The following MAGT1 variants were observed in gnomAD, a reference collection of about 807,000 sequenced individuals.
The protein encoded by MAGT1 is dolichyl-diphosphooligosaccharide--protein glycosyltransferase subunit MAGT1.
MAGT1 carries 4 observed loss-of-function variants against 28.4 expected under a neutral mutation model. That is an observed-to-expected ratio of 0.14 (90% confidence interval 0.07 to 0.32). MAGT1 has a LOEUF of 0.32. MAGT1 is among the 10% of genes least tolerant of loss of function. MAGT1 has a pLI of 1.00. For synonymous variants in MAGT1, 89 were observed against 89.7 expected, an observed-to-expected ratio of 0.99 and a Z score of 0.04; for missense variants, 193 against 264.5, an observed-to-expected ratio of 0.73 and a Z score of 1.88.
Position 77,839,795 on chromosome X carries a change from C to G in MAGT1, c.901+1451G>C, listed in dbSNP as rs1034080297. On this transcript the variant is annotated intron_variant, in intron 8 of 9. Transcript: ENST00000618282. ...GTGCTGGGATTACAGGCGTGAGCCA[C>G]CGCGTCTGGCCAAATTTTTGTACTT... Among the ~76,000 whole-genome samples, 3 of 109,543 alleles carry G rather than the reference C, an allele frequency of 2.7e-5. No homozygotes were observed. The Admixed American group carries it at 3.0e-4, about 11-fold the overall frequency.
At chrX:77,843,324 C>T (rs367721754) in intron 7 of MAGT1, among the ~76,000 whole-genome samples, 21 of 111,737 alleles carry the variant, frequency 1.9e-4, no homozygotes, top group African/African-American at 6.8e-4. Flanking sequence ...GCAACCTCCA[C>T]CTCCCAGGCT....
intron 8 of MAGT1, among the ~76,000 whole-genome samples, chrX:77,835,785 C>T (rs1469179271): frequency 9.0e-6 from 1 of 110,895 alleles, no homozygotes; most frequent in Non-Finnish European, 1.9e-5. Flanking sequence ...CTGTCACTTG[C>T]AACAACATGG....
At chrX:77,889,031 A>C (rs1388894664) in intron 1 of MAGT1, among the ~76,000 whole-genome samples, 2 of 108,549 alleles carry the variant, frequency 1.8e-5, no homozygotes, top group Non-Finnish European at 3.8e-5. Context: ...GCTGGAGTGC[A>C]ATGGTACATC....
intron 2 of MAGT1, 70 bp downstream of exon 2, chrX:77,875,358 C>T: frequency 9.3e-7 from 1 of 1,077,619 alleles, no homozygotes; most frequent in South Asian, 1.9e-5. Flanking sequence ...CTAACTTGGC[C>T]CTTCTGGGAT....
intron 1 of MAGT1, among the ~76,000 whole-genome samples, chrX:77,892,437 T>C (rs1368669061): frequency 2.7e-5 from 3 of 111,561 alleles, no homozygotes; most frequent in Middle Eastern, 4.6e-3. Flanking sequence ...CCTATATAAA[T>C]TCCATGCTTA....
chrX:77,871,044 T>TA, intron 2 of MAGT1, 119 bp from the exon 3 acceptor site: 1 of 546,360 alleles, frequency 1.8e-6, no homozygotes, highest in Non-Finnish European at 3.3e-6. Context: ...GGAGAAATAA[T>TA]AAAAAACACT....
At chrX:77,861,929 T>C (rs2076995774) in intron 3 of MAGT1, among the ~76,000 whole-genome samples, 1 of 111,578 alleles carries the variant, frequency 9.0e-6, no homozygotes, top group Admixed American at 9.7e-5. Flanking sequence ...TTAATGGCTA[T>C]AAAGTTTCAG....
chrX:77,874,874 TG>T (rs1237206896), intron 2 of MAGT1, among the ~76,000 whole-genome samples: 1 of 108,555 alleles, frequency 9.2e-6, no homozygotes, highest in Non-Finnish European at 1.9e-5. Flanking sequence ...TTTTTTTTTT[TG>T]AGACAGTCTC....
chrX:77,884,806 C>T (rs1374522073), intron 1 of MAGT1, among the ~76,000 whole-genome samples: 2 of 108,674 alleles, frequency 1.8e-5, no homozygotes, highest in Non-Finnish European at 3.8e-5. Context: ...AAAAAAAGGC[C>T]GGGCGCAGTG....
chrX:77,831,174 C>T (rs1045881226), intron 8 of MAGT1, among the ~76,000 whole-genome samples: 1 of 110,115 alleles, frequency 9.1e-6, no homozygotes, highest in Admixed American at 9.8e-5. Flanking sequence ...CCCGCCACTG[C>T]GCCCAGCTAA....
chrX:77,848,315 T>C (rs906928300), intron 7 of MAGT1, among the ~76,000 whole-genome samples: 52 of 111,801 alleles, frequency 4.7e-4, no homozygotes, highest in East Asian at 2.0e-3. Context: ...TGAGCAGAAA[T>C]AGAGGAGACA....
intron 1 of MAGT1, among the ~76,000 whole-genome samples, chrX:77,876,132 T>TTATATATATATATATA (rs1222026237): frequency 2.3e-4 from 8 of 34,077 alleles, no homozygotes; most frequent in South Asian, 2.1e-3. Flanking sequence ...CACCTGGCCT[T>TTATATATATATATATA]TATATATATA....
At chrX:77,887,290 T>C (rs1455197985) in intron 1 of MAGT1, among the ~76,000 whole-genome samples, 2 of 111,317 alleles carry the variant, frequency 1.8e-5, no homozygotes, top group East Asian at 5.6e-4. Context: ...AGAGATGGGG[T>C]CTTGCTATGT....
At position 77,828,654 on chromosome X, in the gene MAGT1, G is replaced by A. The variant is rs1557213130; in HGVS notation, c.*566C>T. ...GGAGGAGAAACAACTGTCTTGCTGAGGGCTAGACGTGTGCTCTGAAGAATG... is the reference window on the plus strand; with the variant it reads ...GGAGGAGAAACAACTGTCTTGCTGAAGGCTAGACGTGTGCTCTGAAGAATG... On this transcript the variant is annotated 3_prime_UTR_variant, in exon 10 of 10. Coordinates refer to ENST00000618282, the MANE Select transcript of MAGT1 (RefSeq NM_001367916.1). The A allele has an allele frequency of 8.9e-6, 1 of 112,584 alleles. No homozygotes were observed. The highest frequency in any genetic ancestry group is 1.9e-5 in the Non-Finnish European group (1 of 53,903). 9.3% of individuals were successfully genotyped at this position (112,584 alleles called of 1,213,427 possible).
intron 7 of MAGT1, among the ~76,000 whole-genome samples, chrX:77,852,680 C>A (rs1173750103): frequency 9.0e-6 from 1 of 111,273 alleles, no homozygotes; most frequent in Non-Finnish European, 1.9e-5. Flanking sequence ...TTGCCTTGAC[C>A]TCCTGGGCTC....
intron 7 of MAGT1, among the ~76,000 whole-genome samples, chrX:77,852,102 C>CA (rs2076970126): frequency 9.0e-6 from 1 of 110,675 alleles, no homozygotes; most frequent in African/African-American, 3.3e-5. Context: ...GGGGTTTCAC[C>CA]ATGTTGGCCA....
chrX:77,843,526 G>A (rs944811591), intron 7 of MAGT1, among the ~76,000 whole-genome samples: 17 of 111,399 alleles, frequency 1.5e-4, no homozygotes, highest in Non-Finnish European at 2.1e-4. Context: ...GTGAACCAAT[G>A]TGCCTGTGCC....
chrX:77,855,536 G>C lies in MAGT1; in HGVS notation c.727C>G (p.Pro243Ala). The C allele has an allele frequency of 8.3e-7, 1 of 1,208,444 alleles. No homozygotes were observed. ...GQMWNHIRGP[P>A]YAHKNPHTGH... ...GTGTGGGGATTCTTATGGGCATATG[G>C]TGGTCCTCTTATATGGTTCCACATT... is the stretch of plus-strand genomic sequence containing the variant. Residue 243 changes from proline to alanine, a missense_variant, in exon 6 of 10, where the codon CCA (proline) becomes GCA (alanine). Transcript: ENST00000618282.
chrX:77,856,903 A>C (rs782260398), intron 4 of MAGT1, 30 bp from the exon 5 acceptor site: 1 of 1,161,267 alleles, frequency 8.6e-7, no homozygotes, highest in Non-Finnish European at 1.2e-6. Context: ...AACATGTTAA[A>C]GTATAAAATT....
Sources: gnomAD v4.1 joint callset for allele counts (sites outside exome capture counted in the v4.1 genomes callset) on GRCh38, gnomAD v4.1.1 for gene constraint, MANE v1.5 for transcripts, NCBI Gene and HGNC (gene_info 2026-07-23, HGNC 2026-07-21) for gene names.